The following KCNC2 variants were observed in gnomAD, a reference collection of about 807,000 sequenced individuals.
KCNC2 encodes voltage-gated potassium channel KCNC2.
Under a neutral mutation model 44.5 loss-of-function variants are expected in KCNC2, and 21 were observed. The ratio of observed to expected loss-of-function variants is 0.47; its 90% CI spans 0.33 to 0.68. The LOEUF (loss-of-function observed/expected upper bound fraction) is 0.68, where lower values mean the gene tolerates loss of function less well. Among genes scored for constraint, KCNC2 ranks in the 30% least tolerant of loss-of-function variants. The probability of loss-of-function intolerance (pLI) is 0.01; values close to 1 mark genes in which losing one functional copy is unlikely to be tolerated. For synonymous variants in KCNC2, 391 were observed against 339.1 expected, an observed-to-expected ratio of 1.15 and a Z score of -1.68; for missense variants, 589 against 826.2, an observed-to-expected ratio of 0.71 and a Z score of 3.52.
rs566599843 is a variant in KCNC2 at position 75,161,225 on chromosome 12, G to C, written c.687+46072C>G. ...AATAATAATTATTATATGGAACTTA[G>C]GATTTTCAGAAGTAAACTAAAGTAT... On this transcript the variant is annotated intron_variant, in intron 2 of 4. Transcript: ENST00000549446. Among the ~76,000 whole-genome samples, 47 of 151,606 alleles carry C rather than the reference G, an allele frequency of 3.1e-4. 1 individual carries two copies. Among genetic ancestry groups the C allele is most frequent in the African/African-American group, 1.1e-3 (45 of 41,420 alleles).
chr12:75,147,770 T>TA (rs1344348113), intron 2 of KCNC2, among the ~76,000 whole-genome samples: 1 of 152,124 alleles, frequency 6.6e-6, no homozygotes, highest in Non-Finnish European at 1.5e-5. Flanking sequence ...ACTCAGACGT[T>TA]ACAGTTTCCA....
intron 2 of KCNC2, among the ~76,000 whole-genome samples, chr12:75,184,048 G>C (rs956291049): frequency 1.4e-4 from 21 of 152,058 alleles, no homozygotes; most frequent in Admixed American, 8.5e-4. Context: ...ATTCCCTACT[G>C]TTTCTTCAAG....
intron 2 of KCNC2, among the ~76,000 whole-genome samples, chr12:75,203,112 C>G (rs914551726): frequency 6.6e-6 from 1 of 151,678 alleles, no homozygotes; most frequent in Non-Finnish European, 1.5e-5. Flanking sequence ...TCTTACAAAA[C>G]AAGACTTAAT....
chr12:75,167,397 T>C (rs1891530845), intron 2 of KCNC2, among the ~76,000 whole-genome samples: 1 of 151,274 alleles, frequency 6.6e-6, no homozygotes, highest in Non-Finnish European at 1.5e-5. Flanking sequence ...AGCATTTTTC[T>C]CAAAAATATA....
At chr12:75,095,755 T>C (rs1490426412) in intron 2 of KCNC2, among the ~76,000 whole-genome samples, 2 of 151,958 alleles carry the variant, frequency 1.3e-5, no homozygotes, top group Non-Finnish European at 2.9e-5. Context: ...TTAAAAATAC[T>C]TGTTGAGTAA....
At chr12:75,168,356 C>T (rs1450472189) in intron 2 of KCNC2, among the ~76,000 whole-genome samples, 2 of 151,340 alleles carry the variant, frequency 1.3e-5, no homozygotes, top group African/African-American at 4.8e-5. Flanking sequence ...AAACATCTAT[C>T]CCAGCCCTAT....
At chr12:75,134,025 T>C (rs1165085588) in intron 2 of KCNC2, among the ~76,000 whole-genome samples, 1 of 151,936 alleles carries the variant, frequency 6.6e-6, no homozygotes, top group Non-Finnish European at 1.5e-5. Context: ...TCTACATTTC[T>C]CAAAATTGTA....
chr12:75,085,844 C>T (rs1460418738), intron 2 of KCNC2, among the ~76,000 whole-genome samples: 1 of 151,830 alleles, frequency 6.6e-6, no homozygotes, highest in Non-Finnish European at 1.5e-5. Flanking sequence ...ATATAAAGAA[C>T]AAGAAAATTA....
intron 2 of KCNC2, among the ~76,000 whole-genome samples, chr12:75,056,709 T>A (rs1034782547): frequency 6.6e-6 from 1 of 152,036 alleles, no homozygotes; most frequent in African/African-American, 2.4e-5. Context: ...TAGAATGATA[T>A]TCAATGAGGC....
chr12:75,114,469 C>A (rs1000870989), intron 2 of KCNC2, among the ~76,000 whole-genome samples: 4 of 152,134 alleles, frequency 2.6e-5, no homozygotes, highest in African/African-American at 9.7e-5. Flanking sequence ...TAGTGGTAAG[C>A]AAAATGGACT....
chr12:75,045,248 C>T (rs919696188), intron 4 of KCNC2, among the ~76,000 whole-genome samples: 6 of 151,900 alleles, frequency 3.9e-5, no homozygotes, highest in African/African-American at 1.4e-4. Flanking sequence ...CTACAAGACC[C>T]CCAGAAAGAT....
intron 2 of KCNC2, among the ~76,000 whole-genome samples, chr12:75,116,016 C>G (rs1887634767): frequency 6.6e-6 from 1 of 152,154 alleles, no homozygotes; most frequent in Non-Finnish European, 1.5e-5. Context: ...CGAATAAATA[C>G]TAAGTGACTG....
At chr12:75,122,525 C>A (rs1382659093) in intron 2 of KCNC2, among the ~76,000 whole-genome samples, 5 of 152,150 alleles carry the variant, frequency 3.3e-5, no homozygotes, top group Non-Finnish European at 5.9e-5. Context: ...ATGAACTGAT[C>A]CGTAGTCCTA....
chr12:75,203,472 C>T (rs1480282130), intron 2 of KCNC2, among the ~76,000 whole-genome samples: 4 of 151,818 alleles, frequency 2.6e-5, no homozygotes, highest in East Asian at 1.9e-4. Context: ...GCAGAAGGAT[C>T]GTATATGAGA....
intron 2 of KCNC2, among the ~76,000 whole-genome samples, chr12:75,056,525 A>C (rs1881763350): frequency 6.6e-6 from 1 of 152,100 alleles, no homozygotes; most frequent in South Asian, 2.1e-4. Context: ...GGAATACTTC[A>C]TGCCTATTAT....
chr12:75,202,853 C>G (rs2031395302), intron 2 of KCNC2, among the ~76,000 whole-genome samples: 1 of 147,562 alleles, frequency 6.8e-6, no homozygotes, highest in Admixed American at 6.7e-5. Flanking sequence ...TTGCCATAAT[C>G]TTGTTTTTTT....
chr12:75,191,537 T>C (rs756484074), intron 2 of KCNC2, among the ~76,000 whole-genome samples: 1 of 45,886 alleles, frequency 2.2e-5, no homozygotes, highest in Non-Finnish European at 3.7e-5. Context: ...ATTTTTTTTT[T>C]TTTTTTTTTT....
chr12:75,042,279 C>T lies in KCNC2; in HGVS notation c.*826G>A. Reference sequence around the variant, plus strand: ...ACAATGCAAGCCTGGCTGGCAGTTACCTTTCTCTCATGTTTTGTGCCTTCC... The same window carrying T: ...ACAATGCAAGCCTGGCTGGCAGTTATCTTTCTCTCATGTTTTGTGCCTTCC... On this transcript the variant is annotated 3_prime_UTR_variant, in exon 5 of 5. Transcript: ENST00000549446. 6.2e-7 allele frequency: 1 copy of T among 1,609,304 alleles called. No individual in the cohort carries two copies. Among genetic ancestry groups the T allele is most frequent in the Non-Finnish European group, 8.5e-7 (1 of 1,177,554 alleles).
chr12:75,098,415 G>A (rs1886108923), intron 2 of KCNC2, among the ~76,000 whole-genome samples: 1 of 152,098 alleles, frequency 6.6e-6, no homozygotes, highest in African/African-American at 2.4e-5. Flanking sequence ...TAAACCTACT[G>A]TAAATCCCTT....
Sources: allele counts gnomAD v4.1 joint callset (sites outside exome capture counted in the v4.1 genomes callset), GRCh38; gene constraint gnomAD v4.1.1; transcripts MANE v1.5; gene names NCBI Gene and HGNC (gene_info 2026-07-23, HGNC 2026-07-21).